Variants in NLGN1 observed in about 807,000 individuals in gnomAD.
The protein encoded by NLGN1 is neuroligin-1.
Under a neutral mutation model 65.5 loss-of-function variants are expected in NLGN1, and 12 were observed. The ratio of observed to expected loss-of-function variants is 0.18; its 90% CI spans 0.12 to 0.30. NLGN1 has a LOEUF of 0.30. Ranked by LOEUF, NLGN1 falls within the 10% of genes least tolerant of loss-of-function variation. The pLI, the probability that NLGN1 is intolerant of heterozygous loss-of-function variation, is 1.00. For synonymous variants in NLGN1, 350 were observed against 359.5 expected (o/e 0.97, Z 0.30); for missense variants, 750 against 1,007.1 (o/e 0.74, Z 3.46).
intron 3 of NLGN1, among the ~76,000 whole-genome samples, chr3:173,664,234 A>G (rs576596353): frequency 8.5e-5 from 13 of 152,192 alleles, no homozygotes; most frequent in African/African-American, 2.9e-4. Flanking sequence ...ATTTATCAGT[A>G]CATTTTAAGG....
chr3:174,235,943 A>T (rs73882730), intron 4 of NLGN1, among the ~76,000 whole-genome samples: 16,981 of 152,168 alleles, frequency 0.11, 1,692 homozygotes, highest in African/African-American at 0.26. Flanking sequence ...CTGATATAAA[A>T]TATATTTGCT....
chr3:173,890,543 T>C (rs1735139479), intron 4 of NLGN1, among the ~76,000 whole-genome samples: 1 of 152,128 alleles, frequency 6.6e-6, no homozygotes. Flanking sequence ...AAGATATAAA[T>C]GTGTGAAAGG....
At chr3:174,241,268 T>C (rs1295677294) in intron 4 of NLGN1, among the ~76,000 whole-genome samples, 3 of 152,158 alleles carry the variant, frequency 2.0e-5, no homozygotes, top group Non-Finnish European at 2.9e-5. Flanking sequence ...TTTTCTAATA[T>C]GAAACAGGTA....
chr3:173,616,607 C>G (rs1259736349), intron 3 of NLGN1, among the ~76,000 whole-genome samples: 2 of 152,106 alleles, frequency 1.3e-5, no homozygotes, highest in Non-Finnish European at 2.9e-5. Context: ...CCTTTCAGGG[C>G]TGTGTACAGG....
chr3:174,244,410 CTT>C (rs1368050923), intron 4 of NLGN1, among the ~76,000 whole-genome samples: 1 of 152,274 alleles, frequency 6.6e-6, no homozygotes, highest in South Asian at 2.1e-4. Flanking sequence ...TCTTTCCTCT[CTT>C]TACTACAAAC....
At chr3:173,898,265 G>A (rs78163169) in intron 4 of NLGN1, among the ~76,000 whole-genome samples, 20 of 152,082 alleles carry the variant, frequency 1.3e-4, no homozygotes, top group Non-Finnish European at 2.8e-4. Flanking sequence ...CAATTTTACA[G>A]AAAGTAAACA....
chr3:173,993,027 A>G (rs1721449753), intron 4 of NLGN1, among the ~76,000 whole-genome samples: 1 of 152,192 alleles, frequency 6.6e-6, no homozygotes, highest in African/African-American at 2.4e-5. Context: ...TGGGGGATAA[A>G]TGGTTCTTCA....
intron 2 of NLGN1, among the ~76,000 whole-genome samples, chr3:173,435,712 G>C (rs959558156): frequency 2.0e-5 from 3 of 152,128 alleles, no homozygotes; most frequent in Admixed American, 2.0e-4. Context: ...GTGCACGCCT[G>C]TAGTCCCAGC....
intron 4 of NLGN1, among the ~76,000 whole-genome samples, chr3:173,966,820 A>G (rs572621812): frequency 1.3e-5 from 2 of 152,222 alleles, no homozygotes; most frequent in Non-Finnish European, 2.9e-5. Context: ...CCCCAAACTG[A>G]AAGTGGTTTG....
chr3:173,506,180 C>T (rs1213111421), intron 2 of NLGN1, among the ~76,000 whole-genome samples: 2 of 151,978 alleles, frequency 1.3e-5, no homozygotes, highest in Admixed American at 6.6e-5. Context: ...TTTCTATCCT[C>T]TTGAAAACAT....
chr3:173,710,766 G>T (rs768413757), intron 3 of NLGN1, among the ~76,000 whole-genome samples: 2 of 152,232 alleles, frequency 1.3e-5, no homozygotes, highest in East Asian at 3.9e-4. Flanking sequence ...ACTTTTGGAG[G>T]TATCTAATTC....
chr3:173,977,092 T>TAC (rs112753620), intron 4 of NLGN1, among the ~76,000 whole-genome samples: 3,001 of 150,196 alleles, frequency 0.02, 99 homozygotes, highest in African/African-American at 0.069. Context: ...AGGAAAAAGA[T>TAC]ACACACACAC....
At chr3:173,833,271 A>T (rs903530604) in intron 4 of NLGN1, among the ~76,000 whole-genome samples, 1 of 152,078 alleles carries the variant, frequency 6.6e-6, no homozygotes, top group Admixed American at 6.5e-5. Flanking sequence ...AACCATGTGC[A>T]CTACACCATT....
At chr3:173,973,097 A>G (rs1347753172) in intron 4 of NLGN1, among the ~76,000 whole-genome samples, 1 of 152,174 alleles carries the variant, frequency 6.6e-6, no homozygotes, top group East Asian at 1.9e-4. Context: ...GATAACTAGC[A>G]ATAACATACT....
intron 4 of NLGN1, among the ~76,000 whole-genome samples, chr3:174,200,308 T>C (rs9814674): frequency 0.21 from 31,289 of 152,168 alleles, 3,620 homozygotes; most frequent in African/African-American, 0.3. Context: ...GCTCAGAATA[T>C]TAGCTATTCA....
intron 4 of NLGN1, among the ~76,000 whole-genome samples, chr3:174,176,411 G>A (rs943484476): frequency 6.6e-5 from 10 of 151,898 alleles, no homozygotes; most frequent in Middle Eastern, 3.4e-3. Context: ...ATCATCAGTG[G>A]TATTTTTAAA....
chr3:174,141,069 T>G (rs1188872549), intron 4 of NLGN1, among the ~76,000 whole-genome samples: 2 of 152,156 alleles, frequency 1.3e-5, no homozygotes, highest in East Asian at 3.8e-4. Context: ...GCTTCTTAGC[T>G]CATCTTATAA....
chr3:174,187,553 T>C (rs765561537), intron 4 of NLGN1, among the ~76,000 whole-genome samples: 9 of 152,008 alleles, frequency 5.9e-5, no homozygotes, highest in Non-Finnish European at 8.8e-5. Context: ...GGATTCTGTC[T>C]GAAACTGAAA....
At chr3:173,398,603 A>G (rs1717054653) in intron 1 of NLGN1, 1 of 152,212 alleles carries the variant, frequency 6.6e-6, no homozygotes, top group South Asian at 2.1e-4. Context: ...GGGATATTAC[A>G]TGTCCAATAT....
Sources: allele counts gnomAD v4.1 joint callset (sites outside exome capture counted in the v4.1 genomes callset), GRCh38; gene constraint gnomAD v4.1.1; transcripts MANE v1.5; gene names NCBI Gene and HGNC (gene_info 2026-07-23, HGNC 2026-07-21).